Variants in MPHOSPH10 observed in about 807,000 individuals in gnomAD.
MPHOSPH10 encodes M-phase phosphoprotein 10.
Under a neutral mutation model 77.3 loss-of-function variants are expected in MPHOSPH10, and 33 were observed. The ratio of observed to expected loss-of-function variants is 0.43; its 90% CI spans 0.32 to 0.57. The LOEUF (loss-of-function observed/expected upper bound fraction) is 0.57. Ranked by LOEUF, MPHOSPH10 falls within the 20% of genes least tolerant of loss-of-function variation. The probability of loss-of-function intolerance (pLI) is 0.07; values close to 1 mark genes in which losing one functional copy is unlikely to be tolerated. For synonymous variants in MPHOSPH10, 245 were observed against 268.0 expected, an observed-to-expected ratio of 0.91 and a Z score of 0.84; for missense variants, 708 against 780.1, an observed-to-expected ratio of 0.91 and a Z score of 1.10.
intron 7 of MPHOSPH10, among the ~76,000 whole-genome samples, chr2:71,143,234 C>G (rs1011697445): frequency 6.6e-6 from 1 of 151,614 alleles, no homozygotes; most frequent in Non-Finnish European, 1.5e-5. Flanking sequence ...GTCTGCCTCC[C>G]GGGTCCAAGC....
chr2:71,141,504 A>T (rs1379529973), intron 7 of MPHOSPH10, 135 bp downstream of exon 7: 3 of 684,286 alleles, frequency 4.4e-6, no homozygotes, highest in Admixed American at 6.6e-5. Context: ...GAGACAGAGC[A>T]TGCTAGGAAT....
At chr2:71,132,870 C>G (rs1673414127) in intron 1 of MPHOSPH10, 28 bp from the exon 2 acceptor site, 1 of 1,544,600 alleles carries the variant, frequency 6.5e-7, no homozygotes, top group Admixed American at 2.1e-5. Flanking sequence ...ACCTGTAATT[C>G]TAAATCTCAC....
chr2:71,136,959 C>G (rs1423214934), intron 4 of MPHOSPH10, among the ~76,000 whole-genome samples: 1 of 124,156 alleles, frequency 8.1e-6, no homozygotes, highest in Non-Finnish European at 1.7e-5. Context: ...CACACACACA[C>G]AGAGCACAGT....
intron 7 of MPHOSPH10, among the ~76,000 whole-genome samples, chr2:71,143,137 CTTT>C (rs1558755879): frequency 6.7e-6 from 1 of 149,696 alleles, no homozygotes; most frequent in Non-Finnish European, 1.5e-5. Flanking sequence ...CACTTTACTT[CTTT>C]TTTTTCTTTT....
intron 8 of MPHOSPH10, 64 bp from the exon 9 acceptor site, chr2:71,147,935 A>T (rs357744): frequency 2.6e-5 from 31 of 1,214,720 alleles, no homozygotes; most frequent in Middle Eastern, 3.8e-4. Flanking sequence ...ATAGGTTCAC[A>T]GTTCACACAT....
At chr2:71,138,017 A>G (rs1313713782) in intron 4 of MPHOSPH10, among the ~76,000 whole-genome samples, 1 of 151,034 alleles carries the variant, frequency 6.6e-6, no homozygotes, top group Non-Finnish European at 1.5e-5. Context: ...TGCTCAGGAG[A>G]CGGAGGTTGC....
At position 71,133,951 on chromosome 2, in the gene MPHOSPH10, G is replaced by A. The variant is rs1341719398; in HGVS notation, c.772G>A (p.Gly258Ser). 6.4e-7 allele frequency: 1 copy of A among 1,554,428 alleles called. No homozygotes were observed. The highest frequency in any genetic ancestry group is 8.7e-7 in the Non-Finnish European group (1 of 1,145,936). Residue 258 changes from glycine to serine, a missense_variant, in exon 3 of 11, where the codon GGT becomes AGT. This residue lies in a region of MPHOSPH10 where 433 missense variants were observed against 432.6 expected (regional missense o/e 1.00). Transcript: ENST00000244230. The stretch of plus-strand genomic sequence containing the variant: ...TTTTAATATCTTTTTATTTTAGTCA[G>A]GTAAAAGTTCCAGAAATCTGAAATA... ...GLFGSKKLKSGKSSRNLKYKD... is the reference protein window; with the variant it reads ...GLFGSKKLKSSKSSRNLKYKD...
At chr2:71,147,904 T>C (rs1673749139) in intron 8 of MPHOSPH10, 95 bp from the exon 9 acceptor site, 3 of 895,904 alleles carry the variant, frequency 3.3e-6, no homozygotes, top group Non-Finnish European at 5.3e-6. Flanking sequence ...TAAAGTATTT[T>C]ATATATTATA....
rs1407087864 is a variant in MPHOSPH10 at position 71,144,507 on chromosome 2, C to G, written c.1526C>G (p.Ala509Gly). The G allele has an allele frequency of 6.2e-7, 1 of 1,613,876 alleles. No individual in the cohort carries two copies. Among genetic ancestry groups the G allele is most frequent in the Admixed American group, 1.7e-5 (1 of 60,018 alleles). Residue 509 changes from alanine to glycine, a missense_variant, in exon 8 of 11, where the codon GCC becomes GGC. Transcript: ENST00000244230. ...MMDSLFLKLD[A>G]LSNFHFIPKP... ...GATTCCCTCTTCTTAAAATTGGATG[C>G]CCTCTCAAACTTCCACTTTATCCCT...
chr2:71,149,494 T>C (rs761863872), intron 10 of MPHOSPH10, 41 bp downstream of exon 10: 3 of 1,552,382 alleles, frequency 1.9e-6, no homozygotes, highest in Middle Eastern at 3.4e-4. Flanking sequence ...GGGACCTTTG[T>C]GGGGGAAGTG....
intron 8 of MPHOSPH10, among the ~76,000 whole-genome samples, chr2:71,147,478 C>T (rs1673737963): frequency 6.6e-6 from 1 of 152,066 alleles, no homozygotes; most frequent in African/African-American, 2.4e-5. Flanking sequence ...TCCAGATCAT[C>T]CTGGCTAACA....
chr2:71,144,895 TG>T (rs1156444898), intron 8 of MPHOSPH10, among the ~76,000 whole-genome samples: 1 of 152,330 alleles, frequency 6.6e-6, no homozygotes, highest in Admixed American at 6.5e-5. Context: ...ATAATGGGTT[TG>T]GAGATGTATG....
At chr2:71,132,186 G>T (rs184610769) in intron 1 of MPHOSPH10, among the ~76,000 whole-genome samples, 14 of 152,302 alleles carry the variant, frequency 9.2e-5, no homozygotes, top group African/African-American at 3.4e-4. Context: ...CTGGAATGCT[G>T]CATCAACCTT....
At chr2:71,139,664 A>G in intron 5 of MPHOSPH10, 131 bp from the exon 6 acceptor site, 1 of 626,476 alleles carries the variant, frequency 1.6e-6, no homozygotes. Context: ...TTCAGGAAGT[A>G]TGGGGGTGGC....
At chr2:71,147,891 C>A in intron 8 of MPHOSPH10, 108 bp from the exon 9 acceptor site, 1 of 800,042 alleles carries the variant, frequency 1.2e-6, no homozygotes, top group South Asian at 1.8e-5. Context: ...AAGATAATCT[C>A]CATAAAGTAT....
chr2:71,149,962 G>C lies in MPHOSPH10; in HGVS notation c.1993G>C (p.Glu665Gln). 3 of 1,514,250 alleles carry C rather than the reference G, an allele frequency of 2.0e-6. No homozygotes were observed. The highest frequency in any genetic ancestry group is 2.7e-6 in the Non-Finnish European group (3 of 1,116,488). The allele number at this position is 1,514,250 out of a possible 1,614,324, so 93.8% of individuals were successfully genotyped here. The change falls in exon 11 of 11, where the codon GAA (glutamate) becomes CAA (glutamine). Residue 665 changes from glutamate (E) to glutamine (Q), a missense_variant. By Grantham distance (29) the Glu-to-Gln change is conservative (BLOSUM62 2). Transcript: ENST00000244230. ...KMQINDAKKTEKKKKKRQDIS... is the reference protein window; with the variant it reads ...KMQINDAKKTQKKKKKRQDIS... ...GCAAATCAATGATGCAAAGAAAACAGAAAAGAAAAAGAAGAAAAGACAGGA... is the reference window on the plus strand; with the variant it reads ...GCAAATCAATGATGCAAAGAAAACACAAAAGAAAAAGAAGAAAAGACAGGA...
chr2:71,133,151 C>T lies in MPHOSPH10; in HGVS notation c.343C>T (p.Arg115Cys), dbSNP rs141436611. ...TCTCCCAGAGAGTGAAGAACAGGAA[C>T]GTGAAGAGGATGGTTCAGAGATAGA... is the stretch of plus-strand genomic sequence containing the variant. Reference protein sequence around the residue: ...SLLPESEEQEREEDGSEIEAD... With the variant: ...SLLPESEEQECEEDGSEIEAD... Residue 115 changes from arginine (R) to cysteine (C), a missense_variant, in exon 2 of 11, where the codon CGT becomes TGT. Arg to Cys is a radical substitution (Grantham distance 180). Transcript: ENST00000244230. The T allele has an allele frequency of 7.5e-5, 121 of 1,613,978 alleles. 1 individual carries two copies. The African/African-American group carries it at 1.0e-3, about 14-fold the overall frequency.
chr2:71,131,593 C>G (rs1370681811), intron 1 of MPHOSPH10, among the ~76,000 whole-genome samples: 3 of 152,050 alleles, frequency 2.0e-5, no homozygotes, highest in Non-Finnish European at 4.4e-5. Flanking sequence ...GGGCTGAGTC[C>G]GAAAAGAGAG....
In MPHOSPH10 at chr2:71,141,263, C is replaced by T. The variant is rs751392556; in HGVS notation, c.1340C>T (p.Pro447Leu). ...AWDDVVRKEK[P>L]KEDAYEYKKR... is the part of the protein sequence containing the mutation. ...GATGATGTAGTACGTAAAGAAAAAC[C>T]TAAAGAGGATGCATATGAATATAAA... The change falls in exon 7 of 11, where the codon CCT (proline) becomes CTT (leucine). Residue 447 changes from proline (P) to leucine (L), a missense_variant. By Grantham distance (98) the Pro-to-Leu change is moderately conservative. Around this residue, in one of 3 missense-constraint regions of MPHOSPH10, gnomAD observed 263 missense variants for 320.0 expected, o/e 0.82. Coordinates refer to ENST00000244230, the MANE Select transcript of MPHOSPH10 (RefSeq NM_005791.3). The T allele has an allele frequency of 1.3e-6, 2 of 1,549,070 alleles. No homozygotes were observed. The highest frequency in any genetic ancestry group is 2.5e-5 in the South Asian group (2 of 78,724).
Sources: gnomAD v4.1 joint callset for allele counts (sites outside exome capture counted in the v4.1 genomes callset) on GRCh38, gnomAD v4.1.1 for gene constraint, gnomAD v4.1.1 regional missense constraint, MANE v1.5 for transcripts, NCBI Gene and HGNC (gene_info 2026-07-23, HGNC 2026-07-21) for gene names.